The following TRAF6 variants were observed in gnomAD, a reference collection of about 807,000 sequenced individuals.
TRAF6 encodes the protein TNF receptor-associated factor 6.
In TRAF6, 10 loss-of-function variants were observed where a neutral mutation model predicts 48.4. The observed-to-expected ratio is 0.21, with a 90% CI of 0.13 to 0.35. The LOEUF (loss-of-function observed/expected upper bound fraction) is 0.35, where lower values mean the gene tolerates loss of function less well. TRAF6 is among the 10% of genes least tolerant of loss of function. TRAF6 has a pLI of 1.00. For missense variants in TRAF6, 397 were observed against 661.0 expected, an observed-to-expected ratio of 0.60 and a Z score of 4.38; for synonymous variants, 186 against 219.6, an observed-to-expected ratio of 0.85 and a Z score of 1.35.
At chr11:36,500,415 G>A (rs532897746) in intron 2 of TRAF6, among the ~76,000 whole-genome samples, 39 of 152,300 alleles carry the variant, frequency 2.6e-4, no homozygotes, top group African/African-American at 9.1e-4. Flanking sequence ...TCAAGGGATA[G>A]CAAAGAGGGA....
chr11:36,497,015 C>A, intron 4 of TRAF6, 93 bp downstream of exon 4: 1 of 1,328,024 alleles, frequency 7.5e-7, no homozygotes, highest in South Asian at 1.4e-5. Context: ...GAGTCGGAGT[C>A]ACATCCTTAT....
intron 1 of TRAF6, among the ~76,000 whole-genome samples, chr11:36,506,994 T>C (rs1378139450): frequency 1.3e-5 from 2 of 151,770 alleles, no homozygotes; most frequent in African/African-American, 4.8e-5. Flanking sequence ...AGAACTGCAA[T>C]GACTTAAGGA....
chr11:36,495,857 A>C (rs1291787430), intron 4 of TRAF6, among the ~76,000 whole-genome samples: 1 of 152,158 alleles, frequency 6.6e-6, no homozygotes, highest in Non-Finnish European at 1.5e-5. Flanking sequence ...GCGCCATTGC[A>C]TTCCAGCCTG....
chr11:36,496,246 T>C (rs1859630941), intron 4 of TRAF6: 1 of 152,194 alleles, frequency 6.6e-6, no homozygotes, highest in Non-Finnish European at 1.5e-5. Flanking sequence ...TGTCCTATAA[T>C]CATGATGCTG....
chr11:36,507,893 T>C (rs1475247670), intron 1 of TRAF6, among the ~76,000 whole-genome samples: 1 of 148,824 alleles, frequency 6.7e-6, no homozygotes, highest in Non-Finnish European at 1.5e-5. Context: ...TCCTGCTCTA[T>C]TGCCCAGGCT....
rs1436487121 is a variant in TRAF6, at chr11:36,498,472, AG to A, written c.447+17del. 2 of 1,600,212 alleles carry A rather than the reference AG, an allele frequency of 1.2e-6. No homozygotes were observed. The highest frequency in any genetic ancestry group is 2.3e-5 in the South Asian group (2 of 88,632). On this transcript the variant is annotated intron_variant, in intron 3 of 6. Coordinates refer to ENST00000526995, the MANE Select transcript of TRAF6 (RefSeq NM_004620.4). ...TCCTTTTATACATGTGCTAACAGCT[AG>A]AAAAGAACTTTAATACCTCAAGATG...
chr11:36,499,615 G>C (rs1205379049), intron 2 of TRAF6, among the ~76,000 whole-genome samples: 1 of 152,132 alleles, frequency 6.6e-6, no homozygotes, highest in Non-Finnish European at 1.5e-5. Flanking sequence ...AAAATAATGT[G>C]GAGGTTGAGA....
At chr11:36,504,076 C>T (rs914812205) in intron 1 of TRAF6, among the ~76,000 whole-genome samples, 9 of 152,146 alleles carry the variant, frequency 5.9e-5, no homozygotes, top group Non-Finnish European at 8.8e-5. Context: ...GAGCCTTCAG[C>T]GAGCTATAAT....
rs1032581599 is a variant in TRAF6, at chr11:36,497,321, A to G, written c.448-55T>C. 2.6e-6 allele frequency: 4 copies of G among 1,524,264 alleles called. No homozygotes were observed. In the South Asian group the frequency reaches 3.7e-5, roughly 14 times the overall value. The allele number at this position is 1,524,264 out of a possible 1,614,324, so 94.4% of individuals were successfully genotyped here. ...TAGCCAACTCTGAAGTCTTCTACAT[A>G]TAAGCTCTCCTAATCATATACTGTT... On this transcript the variant is annotated intron_variant, in intron 3 of 6. Coordinates refer to ENST00000526995, the MANE Select transcript of TRAF6 (RefSeq NM_004620.4).
intron 3 of TRAF6, among the ~76,000 whole-genome samples, chr11:36,498,067 TGA>T (rs1859664804): frequency 6.6e-6 from 1 of 151,878 alleles, no homozygotes; most frequent in African/African-American, 2.4e-5. Flanking sequence ...GTATTTTTAG[TGA>T]GAGACGGGGT....
At chr11:36,502,582 A>C (rs1241566000) in intron 1 of TRAF6, among the ~76,000 whole-genome samples, 1 of 152,066 alleles carries the variant, frequency 6.6e-6, no homozygotes, top group Non-Finnish European at 1.5e-5. Context: ...CCTGGCTGCC[A>C]CTTCACCAAA....
Position 36,490,879 on chromosome 11 carries a change from A to G in TRAF6, c.757-229T>C, listed in dbSNP as rs1311125939. Reference sequence around the variant, plus strand: ...ACTCTCCCAGCTTTCACTCACATAAATCTCCCTCCCACCTACAAAAAATGT... The same window carrying G: ...ACTCTCCCAGCTTTCACTCACATAAGTCTCCCTCCCACCTACAAAAAATGT... On this transcript the variant is annotated intron_variant, in intron 6 of 6. Coordinates refer to ENST00000526995, the MANE Select transcript of TRAF6 (RefSeq NM_004620.4). The surrounding 1 kb of genome is among the most constrained non-coding windows in gnomAD (Gnocchi z 6.4). Among the ~76,000 whole-genome samples, 1 of 152,020 alleles carries G rather than the reference A, an allele frequency of 6.6e-6. No individual in the cohort carries two copies. Among genetic ancestry groups the G allele is most frequent in the Admixed American group, 6.6e-5 (1 of 15,258 alleles).
At chr11:36,494,331 T>C (rs993080015) in intron 5 of TRAF6, among the ~76,000 whole-genome samples, 2 of 152,084 alleles carry the variant, frequency 1.3e-5, no homozygotes, top group African/African-American at 4.8e-5. Flanking sequence ...CATGACTGTG[T>C]CAATGCACTC....
rs181297986 is a variant in TRAF6, at chr11:36,492,973, T to C, written c.679-345A>G. On this transcript the variant is annotated intron_variant, in intron 5 of 6. Transcript: ENST00000526995. The stretch of plus-strand genomic sequence containing the variant: ...GCAAACTGGATTAAGACTCCCACTA[T>C]GGTCTAGGCCATTTAATAGGAACCA... Among the ~76,000 whole-genome samples, 6 of 152,332 alleles carry C rather than the reference T, an allele frequency of 3.9e-5. 1 individual carries two copies. The East Asian group carries it at 5.8e-4, about 15-fold the overall frequency.
In TRAF6 at chr11:36,501,305, G is replaced by C. The variant is rs1455356924; in HGVS notation, c.211C>G (p.Pro71Ala). Residue 71 changes from proline to alanine, a missense_variant, in exon 2 of 7, where the codon CCC (proline) becomes GCC (alanine). Transcript: ENST00000526995. ...DPPLESKYEC[P>A]ICLMALREAV... ...TCTCGTAATGCCATCAAGCAGATGG[G>C]GCATTCATACTTGCTTTCCAGGGGT... 6.2e-7 allele frequency: 1 copy of C among 1,613,888 alleles called. No individual in the cohort carries two copies. The highest frequency in any genetic ancestry group is 8.5e-7 in the Non-Finnish European group (1 of 1,180,010).
rs368364225 is a variant in TRAF6, at chr11:36,498,486, A to G, written c.447+4T>C. ...TGCTAACAGCTAGAAAAGAACTTTAATACCTCAAGATGTCTCAGTTCCATC... is the reference window on the plus strand; with the variant it reads ...TGCTAACAGCTAGAAAAGAACTTTAGTACCTCAAGATGTCTCAGTTCCATC... On this transcript the variant is annotated splice_donor_region_variant and intron_variant, in intron 3 of 6. Transcript: ENST00000526995. The G allele has an allele frequency of 1.2e-6, 2 of 1,604,404 alleles. No individual in the cohort carries two copies. Among genetic ancestry groups the G allele is most frequent in the African/African-American group, 1.3e-5 (1 of 74,462 alleles).
At chr11:36,503,664 G>A (rs146850042) in intron 1 of TRAF6, among the ~76,000 whole-genome samples, 33 of 152,230 alleles carry the variant, frequency 2.2e-4, no homozygotes, top group Admixed American at 1.5e-3. Context: ...GGACTCCTAG[G>A]GAAGGTTCAT....
chr11:36,505,998 A>G (rs550655537), intron 1 of TRAF6, among the ~76,000 whole-genome samples: 131 of 152,328 alleles, frequency 8.6e-4, no homozygotes, highest in African/African-American at 3.0e-3. Flanking sequence ...ACAGATCACT[A>G]TAACAGACAT....
chr11:36,501,537 T>C lies in TRAF6; in HGVS notation c.-22A>G, dbSNP rs1301344165. The C allele has an allele frequency of 1.3e-6, 2 of 1,565,460 alleles. No homozygotes were observed. The highest frequency in any genetic ancestry group is 1.7e-6 in the Non-Finnish European group (2 of 1,154,540). On this transcript the variant is annotated splice_region_variant and 5_prime_UTR_variant, in exon 2 of 7. Coordinates refer to ENST00000526995, the MANE Select transcript of TRAF6 (RefSeq NM_004620.4). Reference sequence around the variant, plus strand: ...TCATAGTAACTTGATTATCACTTGCTCTGTAGAAATAGCAAGAAAAAAATG... The same window carrying C: ...TCATAGTAACTTGATTATCACTTGCCCTGTAGAAATAGCAAGAAAAAAATG...
Sources: gnomAD v4.1 joint callset for allele counts (sites outside exome capture counted in the v4.1 genomes callset) on GRCh38, gnomAD v4.1.1 for gene constraint, Gnocchi (gnomAD v3.1) non-coding constraint, MANE v1.5 for transcripts, NCBI Gene and HGNC (gene_info 2026-07-23, HGNC 2026-07-21) for gene names.